GALNTL6: variants seen among roughly 807,000 people sequenced by gnomAD.
GALNTL6 encodes polypeptide N-acetylgalactosaminyltransferase like 6, also known as polypeptide N-acetylgalactosaminyltransferase-like 6.
GALNTL6 carries 46 observed loss-of-function variants against 73.7 expected under a neutral mutation model. The ratio of observed to expected loss-of-function variants is 0.62; its 90% CI spans 0.49 to 0.80. GALNTL6 has a LOEUF of 0.80. Among genes scored for constraint, GALNTL6 ranks in the 30% least tolerant of loss-of-function variants. GALNTL6 has a pLI of 0.00. For synonymous variants in GALNTL6, 259 were observed against 263.7 expected (o/e 0.98, Z 0.17); for missense variants, 604 against 755.0 (o/e 0.80, Z 2.34).
rs559847861 is a variant in GALNTL6, at chr4:172,152,801, G to C, written c.139-76855G>C. Among the ~76,000 whole-genome samples the C allele has an allele frequency of 4.5e-4, 69 of 152,128 alleles. 1 individual carries two copies. The South Asian group carries it at 0.014, about 31-fold the overall frequency. ...CTTTAGTATTTTTTTGTAGAGGCGG[G>C]GTTTTGCCATGCTGCCCAGTTTGGT... On this transcript the variant is annotated intron_variant, in intron 2 of 12. Coordinates refer to ENST00000506823, the MANE Select transcript of GALNTL6 (RefSeq NM_001034845.3).
chr4:172,881,194 G>A (rs546243861), intron 7 of GALNTL6, among the ~76,000 whole-genome samples: 7 of 152,288 alleles, frequency 4.6e-5, no homozygotes, highest in East Asian at 1.9e-4. Context: ...AACTGCACTC[G>A]ATAAATGTTA....
intron 5 of GALNTL6, among the ~76,000 whole-genome samples, chr4:172,631,675 A>G (rs1391941480): frequency 6.6e-6 from 1 of 152,196 alleles, no homozygotes; most frequent in East Asian, 1.9e-4. Context: ...TGTGTGGACA[A>G]TGTTTTTGTG....
At chr4:172,634,689 G>A (rs1052054917) in intron 5 of GALNTL6, among the ~76,000 whole-genome samples, 29 of 152,214 alleles carry the variant, frequency 1.9e-4, no homozygotes, top group African/African-American at 6.5e-4. Context: ...ATTTATTTAT[G>A]TTTAATAAAC....
chr4:172,046,268 A>T (rs1742220303), intron 2 of GALNTL6, among the ~76,000 whole-genome samples: 1 of 152,104 alleles, frequency 6.6e-6, no homozygotes, highest in South Asian at 2.1e-4. Flanking sequence ...GCACGTACCC[A>T]GAAGTGAGCT....
rs1740379154 is a variant in GALNTL6 at position 172,311,960 on chromosome 4, A to T, written c.386+208A>T. Among the ~76,000 whole-genome samples the T allele has an allele frequency of 2.0e-5, 3 of 152,320 alleles. No homozygotes were observed. The South Asian group carries it at 6.2e-4, about 32-fold the overall frequency. ...TTTAAAACAATACTGAATTTCTAAAAATCCAATACACATTTTTGTTGACTG... is the reference window on the plus strand; with the variant it reads ...TTTAAAACAATACTGAATTTCTAAATATCCAATACACATTTTTGTTGACTG... On this transcript the variant is annotated intron_variant, in intron 4 of 12. Transcript: ENST00000506823.
intron 2 of GALNTL6, among the ~76,000 whole-genome samples, chr4:171,884,070 T>G (rs1484178401): frequency 6.6e-6 from 1 of 152,238 alleles, no homozygotes; most frequent in Non-Finnish European, 1.5e-5. Flanking sequence ...TTTTACAAAC[T>G]ATTTTCTCTC....
intron 2 of GALNTL6, among the ~76,000 whole-genome samples, chr4:171,818,122 G>A (rs541954325): frequency 3.0e-4 from 46 of 151,612 alleles, no homozygotes; most frequent in Middle Eastern, 3.8e-3. Context: ...TCATTTTTCT[G>A]TTTAAACATT....
intron 2 of GALNTL6, among the ~76,000 whole-genome samples, chr4:171,906,249 A>G (rs1433234141): frequency 6.6e-6 from 1 of 150,828 alleles, no homozygotes; most frequent in Admixed American, 6.6e-5. Context: ...ACCACTAGCA[A>G]GACTAATAAA....
chr4:172,287,086 TG>T (rs1739283468), intron 3 of GALNTL6, among the ~76,000 whole-genome samples: 1 of 152,174 alleles, frequency 6.6e-6, no homozygotes, highest in South Asian at 2.1e-4. Flanking sequence ...CCTTGCAGGG[TG>T]GAAATCCTTT....
chr4:172,268,926 T>C (rs1157394635), intron 3 of GALNTL6, among the ~76,000 whole-genome samples: 1 of 152,124 alleles, frequency 6.6e-6, no homozygotes, highest in African/African-American at 2.4e-5. Flanking sequence ...AATTCCTGTT[T>C]GTAAAGCCAA....
intron 2 of GALNTL6, among the ~76,000 whole-genome samples, chr4:171,817,019 A>T (rs1734542173): frequency 6.6e-6 from 1 of 152,072 alleles, no homozygotes; most frequent in Non-Finnish European, 1.5e-5. Context: ...CTACTGGGTA[A>T]TATGTTATTT....
Position 171,997,717 on chromosome 4 carries a change from A to G in GALNTL6, c.138+182999A>G, listed in dbSNP as rs567438616. On this transcript the variant is annotated intron_variant, in intron 2 of 12. Transcript: ENST00000506823. ...CATAAGGAATACAAGTAATAGCCCA[A>G]ATAAACATCTTAAGGAAAGAACATA... Among the ~76,000 whole-genome samples, 9 of 152,212 alleles carry G rather than the reference A, an allele frequency of 5.9e-5. No individual in the cohort carries two copies. The South Asian group carries it at 1.9e-3, about 32-fold the overall frequency.
At chr4:172,800,239 C>A (rs959180646) in intron 5 of GALNTL6, among the ~76,000 whole-genome samples, 3 of 151,854 alleles carry the variant, frequency 2.0e-5, no homozygotes, top group Non-Finnish European at 2.9e-5. Flanking sequence ...ATTAAGAAGG[C>A]GAATTTTATA....
intron 5 of GALNTL6, among the ~76,000 whole-genome samples, chr4:172,658,680 T>C (rs1295443117): frequency 2.0e-5 from 3 of 151,994 alleles, no homozygotes; most frequent in Non-Finnish European, 2.9e-5. Flanking sequence ...TCAAAATGCA[T>C]TGAAGTCTAA....
At chr4:172,024,433 CTATA>C (rs1741494865) in intron 2 of GALNTL6, among the ~76,000 whole-genome samples, 1 of 151,752 alleles carries the variant, frequency 6.6e-6, no homozygotes, top group Admixed American at 6.6e-5. Flanking sequence ...AAGTGATTCT[CTATA>C]TAATACTAAT....
At chr4:172,446,058 A>G (rs1485451069) in intron 5 of GALNTL6, among the ~76,000 whole-genome samples, 1 of 152,160 alleles carries the variant, frequency 6.6e-6, no homozygotes, top group African/African-American at 2.4e-5. Context: ...CATCCTATCA[A>G]AATAAAAACA....
chr4:171,854,525 G>T (rs1257085940), intron 2 of GALNTL6, among the ~76,000 whole-genome samples: 3 of 152,194 alleles, frequency 2.0e-5, no homozygotes, highest in East Asian at 3.8e-4. Context: ...ATAGAAAGTT[G>T]TTGCTATAGA....
At chr4:171,839,102 TTA>T (rs1260578550) in intron 2 of GALNTL6, among the ~76,000 whole-genome samples, 3 of 151,954 alleles carry the variant, frequency 2.0e-5, no homozygotes, top group Non-Finnish European at 4.4e-5. Flanking sequence ...ATAACATAGG[TTA>T]TAGAAAGGCT....
chr4:172,437,651 T>A (rs187917700), intron 5 of GALNTL6, among the ~76,000 whole-genome samples: 2 of 152,254 alleles, frequency 1.3e-5, no homozygotes, highest in African/African-American at 4.8e-5. Flanking sequence ...TTAGTAACCA[T>A]ATTATACTTT....
Sources: gnomAD v4.1 joint callset for allele counts (sites outside exome capture counted in the v4.1 genomes callset) on GRCh38, gnomAD v4.1.1 for gene constraint, MANE v1.5 for transcripts, NCBI Gene and HGNC (gene_info 2026-07-23, HGNC 2026-07-21) for gene names.